The following PPP1R26 variants were observed in gnomAD, a reference collection of about 807,000 sequenced individuals.
PPP1R26 encodes protein phosphatase 1 regulatory subunit 26.
Under a neutral mutation model 67.6 loss-of-function variants are expected in PPP1R26, and 22 were observed. The observed-to-expected ratio is 0.33, with a 90% CI of 0.23 to 0.46. The LOEUF is 0.46. Ranked by LOEUF, PPP1R26 falls within the 20% of genes least tolerant of loss-of-function variation. The probability of loss-of-function intolerance (pLI) is 1.00; values close to 1 mark genes in which losing one functional copy is unlikely to be tolerated. For synonymous variants in PPP1R26, 729 were observed against 717.2 expected, an observed-to-expected ratio of 1.02 and a Z score of -0.26; for missense variants, 1,602 against 1,651.4, an observed-to-expected ratio of 0.97 and a Z score of 0.52.
At position 135,487,214 on chromosome 9, in the gene PPP1R26, G is replaced by A. The variant is rs1346077126; in HGVS notation, c.2704G>A (p.Ala902Thr). The change falls in exon 4 of 4, where the codon GCC (alanine) becomes ACC (threonine). Residue 902 changes from alanine (A) to threonine (T), a missense_variant. Transcript: ENST00000356818. Reference protein sequence around the residue: ...SQRARGVPHLAEGLRGTESAG... With the variant: ...SQRARGVPHLTEGLRGTESAG... ...GAGGGCCAGGGGGGTCCCACATCTGGCCGAAGGGCTTCGAGGCACAGAGAG... is the reference window on the plus strand; with the variant it reads ...GAGGGCCAGGGGGGTCCCACATCTGACCGAAGGGCTTCGAGGCACAGAGAG... The A allele has an allele frequency of 6.3e-7, 1 of 1,594,490 alleles. No homozygotes were observed. Among genetic ancestry groups the A allele is most frequent in the Admixed American group, 1.7e-5 (1 of 57,330 alleles).
In PPP1R26 at chr9:135,479,836, C is replaced by CGCGCGGGG. The variant is rs1003209633; in HGVS notation, c.-514_-507dup. On this transcript the variant is annotated 5_prime_UTR_variant, in exon 1 of 4. Transcript: ENST00000356818. This position sits in a 1 kb window ranked among gnomAD's most constrained non-coding sequence, Gnocchi z 5.9. ...GGGCGCGGGGCGGCGGCAGCGGCGG[C>CGCGCGGGG]GCGCGGGGAGGCGGGGAGGCGGGGG... 8 of 138,918 alleles carry CGCGCGGGG rather than the reference C, an allele frequency of 5.8e-5. No homozygotes were observed. Among genetic ancestry groups the CGCGCGGGG allele is most frequent in the Admixed American group, 2.1e-4 (3 of 14,156 alleles). The allele number at this position is 138,918 out of a possible 1,614,324, so 8.6% of individuals were successfully genotyped here. A position where few individuals can be genotyped will look rare whatever the true frequency, so the allele number is the denominator to read the frequency against.
At position 135,484,633 on chromosome 9, in the gene PPP1R26, G is replaced by A. The variant is rs368903595; in HGVS notation, c.123G>A (p.Ala41=). 117 of 1,611,676 alleles carry A rather than the reference G, an allele frequency of 7.3e-5. No homozygotes were observed. The highest frequency in any genetic ancestry group is 1.7e-4 in the Middle Eastern group (1 of 5,962). The change falls in exon 4 of 4, where the codon GCG becomes GCA. Residue 41 remains alanine, a synonymous_variant. Coordinates refer to ENST00000356818, the MANE Select transcript of PPP1R26 (RefSeq NM_014811.5). ...AGGCTGACGAGGGCGTGGAGAGCGC[G>A]TCGGTGAGCGCCCGGGTGCAGATGC... is the stretch of plus-strand genomic sequence containing the variant. ...FSEADEGVES[A]SVSARVQMLI...
intron 2 of PPP1R26, chr9:135,483,369 A>G (rs1210989014): frequency 1.3e-5 from 2 of 152,248 alleles, no homozygotes; most frequent in African/African-American, 4.8e-5. Context: ...GCGCCTGGTT[A>G]ACCGGAGAAA....
chr9:135,488,202 G>C lies in PPP1R26; in HGVS notation c.*62G>C. ...CATTCGTGGAAAGCGGCGTAGCCGT[G>C]CGTGTGTGTGATGGTTCCGTGGCTG... On this transcript the variant is annotated 3_prime_UTR_variant, in exon 4 of 4. Coordinates refer to ENST00000356818, the MANE Select transcript of PPP1R26 (RefSeq NM_014811.5). The C allele has an allele frequency of 6.8e-7, 1 of 1,471,930 alleles. No individual in the cohort carries two copies. Among genetic ancestry groups the C allele is most frequent in the Non-Finnish European group, 9.0e-7 (1 of 1,113,560 alleles). The allele number at this position is 1,471,930 out of a possible 1,614,324, so 91.2% of individuals were successfully genotyped here.
intron 2 of PPP1R26, 78 bp downstream of exon 2, chr9:135,482,893 T>G (rs144870199): frequency 2.5e-6 from 1 of 395,040 alleles, no homozygotes; most frequent in East Asian, 3.6e-5. Context: ...TACTTCTGAA[T>G]CTGTCTCACC....
chr9:135,488,399 G>T lies in PPP1R26; in HGVS notation c.*259G>T, dbSNP rs1220157295. ...ATACTGTTGTTCAATTTTGTAGGGT[G>T]TTCCTAACTGCAGTTTTCTGTGTTC... On this transcript the variant is annotated 3_prime_UTR_variant, in exon 4 of 4. Coordinates refer to ENST00000356818, the MANE Select transcript of PPP1R26 (RefSeq NM_014811.5). 1.5e-5 allele frequency: 7 copies of T among 469,844 alleles called. No individual in the cohort carries two copies. Among genetic ancestry groups the T allele is most frequent in the Non-Finnish European group, 2.3e-5 (7 of 305,326 alleles). 29.1% of individuals were successfully genotyped at this position (469,844 alleles called of 1,614,324 possible).
chr9:135,487,713 G>C lies in PPP1R26; in HGVS notation c.3203G>C (p.Arg1068Pro), dbSNP rs570749929. 5 of 1,451,232 alleles carry C rather than the reference G, an allele frequency of 3.4e-6. No individual in the cohort carries two copies. The Admixed American group carries it at 8.7e-5, about 25-fold the overall frequency. The allele number at this position is 1,451,232 out of a possible 1,614,324, so 89.9% of individuals were successfully genotyped here. Reference sequence around the variant, plus strand: ...GACAAGGGGTCCGAGGGCCCCGCCCGGGGCCTGCCCAGCCTGCCCCTTGCG... The same window carrying C: ...GACAAGGGGTCCGAGGGCCCCGCCCCGGGCCTGCCCAGCCTGCCCCTTGCG... ...ERDKGSEGPA[R>P]GLPSLPLAGF... Residue 1068 changes from arginine to proline, a missense_variant, in exon 4 of 4, where the codon CGG becomes CCG. Arg to Pro is a moderately radical substitution (Grantham distance 103). This residue lies in a region of PPP1R26 where 740 missense variants were observed against 696.3 expected (regional missense o/e 1.06). Coordinates refer to ENST00000356818, the MANE Select transcript of PPP1R26 (RefSeq NM_014811.5).
rs1172643668 is a variant in PPP1R26 at position 135,488,439 on chromosome 9, A to T, written c.*299A>T. The T allele has an allele frequency of 3.8e-6, 1 of 265,756 alleles. No individual in the cohort carries two copies. Among genetic ancestry groups the T allele is most frequent in the East Asian group, 9.4e-5 (1 of 10,590 alleles). The allele number at this position is 265,756 out of a possible 1,614,324, so 16.5% of individuals were successfully genotyped here. On this transcript the variant is annotated 3_prime_UTR_variant, in exon 4 of 4. Transcript: ENST00000356818. ...TTTCTGTGTTCTGCATACAAGTCTTAGCTTAGGAAACATTTGGTTCTTACC... is the reference window on the plus strand; with the variant it reads ...TTTCTGTGTTCTGCATACAAGTCTTTGCTTAGGAAACATTTGGTTCTTACC...
At position 135,487,225 on chromosome 9, in the gene PPP1R26, T is replaced by C. The variant is rs1830775927; in HGVS notation, c.2715T>C (p.Leu905=). 6.3e-7 allele frequency: 1 copy of C among 1,588,424 alleles called. No homozygotes were observed. The highest frequency in any genetic ancestry group is 8.6e-7 in the Non-Finnish European group (1 of 1,169,210). The change falls in exon 4 of 4, where the codon CTT becomes CTC. Residue 905 remains leucine, a synonymous_variant. Transcript: ENST00000356818. ...GGGTCCCACATCTGGCCGAAGGGCT[T>C]CGAGGCACAGAGAGCGCAGGAGCAC... ...ARGVPHLAEG[L]RGTESAGAQG...
Position 135,486,786 on chromosome 9 carries a change from G to C in PPP1R26, c.2276G>C (p.Arg759Thr). The C allele has an allele frequency of 1.9e-6, 3 of 1,593,498 alleles. No individual in the cohort carries two copies. The highest frequency in any genetic ancestry group is 2.6e-6 in the Non-Finnish European group (3 of 1,170,640). ...VLKSCLSKSK[R>T]DSGEGPGKKP... ...AAGAGCTGCCTCTCCAAGTCCAAGA[G>C]AGACAGTGGCGAGGGTCCTGGGAAG... Residue 759 changes from arginine to threonine, a missense_variant, in exon 4 of 4, where the codon AGA becomes ACA. By Grantham distance (71) the Arg-to-Thr change is moderately conservative. Around this residue, in one of 5 missense-constraint regions of PPP1R26, gnomAD observed 740 missense variants for 696.3 expected, o/e 1.06. Coordinates refer to ENST00000356818, the MANE Select transcript of PPP1R26 (RefSeq NM_014811.5). This position sits in a 1 kb window ranked among gnomAD's most constrained non-coding sequence, Gnocchi z 6.2.
At chr9:135,481,077 C>T (rs1358187396) in intron 1 of PPP1R26, among the ~76,000 whole-genome samples, 2 of 152,142 alleles carry the variant, frequency 1.3e-5, no homozygotes, top group Non-Finnish European at 1.5e-5. Context: ...TGTTCTCCAC[C>T]GCTTCCTAAA....
chr9:135,482,202 T>C (rs1488109550), intron 1 of PPP1R26, among the ~76,000 whole-genome samples: 2 of 152,268 alleles, frequency 1.3e-5, no homozygotes, highest in Non-Finnish European at 2.9e-5. Context: ...CCAAGGCTAA[T>C]GCAAATGTTT....
chr9:135,480,361 A>G (rs62580732), intron 1 of PPP1R26: 22,718 of 151,638 alleles, frequency 0.15, 2,049 homozygotes, highest in South Asian at 0.3. Context: ...CGGCCTGGAG[A>G]CTGCGGTTCA....
chr9:135,487,239 G>A lies in PPP1R26; in HGVS notation c.2729G>A (p.Ser910Asn), dbSNP rs1252032630. 7 of 1,580,526 alleles carry A rather than the reference G, an allele frequency of 4.4e-6. 1 individual carries two copies. The South Asian group carries it at 7.0e-5, about 16-fold the overall frequency. The change falls in exon 4 of 4, where the codon AGC becomes AAC. Residue 910 changes from serine (S) to asparagine (N), a missense_variant. Ser to Asn is a conservative substitution (Grantham distance 46). Around this residue, in one of 5 missense-constraint regions of PPP1R26, gnomAD observed 740 missense variants for 696.3 expected, o/e 1.06. Transcript: ENST00000356818. ...GCCGAAGGGCTTCGAGGCACAGAGA[G>A]CGCAGGAGCACAGGGCACAGCTGGT... is the stretch of plus-strand genomic sequence containing the variant. Reference protein sequence around the residue: ...HLAEGLRGTESAGAQGTAGLF... With the variant: ...HLAEGLRGTENAGAQGTAGLF...
At chr9:135,482,987 CT>C (rs57608324) in intron 2 of PPP1R26, among the ~76,000 whole-genome samples, 172 bp downstream of exon 2, 1,292 of 112,040 alleles carry the variant, frequency 0.012, 5 homozygotes, top group African/African-American at 0.032. Context: ...TTCTTTCTTT[CT>C]TTTTTTTTTT....
At position 135,485,249 on chromosome 9, in the gene PPP1R26, G is replaced by C; in HGVS notation, c.739G>C (p.Gly247Arg). 1 of 1,612,818 alleles carries C rather than the reference G, an allele frequency of 6.2e-7. No individual in the cohort carries two copies. Among genetic ancestry groups the C allele is most frequent in the Non-Finnish European group, 8.5e-7 (1 of 1,179,914 alleles). ...ACAGCATGAGACCCAAAAATGTGAT[G>C]GGTCAGTGGAGAAGAAACCAGACAC... ...KRQHETQKCD[G>R]SVEKKPDTNE... is the part of the protein sequence containing the mutation. The change falls in exon 4 of 4, where the codon GGG becomes CGG. Residue 247 changes from glycine (G) to arginine (R), a missense_variant. By Grantham distance (125) the Gly-to-Arg change is moderately radical (BLOSUM62 -2). Transcript: ENST00000356818. The surrounding 1 kb of genome is among the most constrained non-coding windows in gnomAD (Gnocchi z 7.2).
At position 135,485,719 on chromosome 9, in the gene PPP1R26, C is replaced by T. The variant is rs758251505; in HGVS notation, c.1209C>T (p.Pro403=). Residue 403 remains proline, a synonymous_variant, in exon 4 of 4, where the codon CCC becomes CCT. Coordinates refer to ENST00000356818, the MANE Select transcript of PPP1R26 (RefSeq NM_014811.5). The surrounding 1 kb of genome is among the most constrained non-coding windows in gnomAD (Gnocchi z 7.2). ...GAGAGGAGAGAGCGCCTGACCCTCC[C>T]GCACACAGCACAAGCAGTGCCACAA... The part of the protein sequence containing the change: ...QLREERAPDP[P]AHSTSSATKS... 11 of 1,610,118 alleles carry T rather than the reference C, an allele frequency of 6.8e-6. No homozygotes were observed. The highest frequency in any genetic ancestry group is 1.7e-5 in the Admixed American group (1 of 59,988).
At chr9:135,481,089 T>C (rs994494385) in intron 1 of PPP1R26, among the ~76,000 whole-genome samples, 5 of 152,144 alleles carry the variant, frequency 3.3e-5, no homozygotes, top group Non-Finnish European at 5.9e-5. Context: ...CTTCCTAAAA[T>C]CTGACACCGT....
At chr9:135,481,792 T>A (rs994843817) in intron 1 of PPP1R26, among the ~76,000 whole-genome samples, 3 of 151,682 alleles carry the variant, frequency 2.0e-5, no homozygotes, top group African/African-American at 7.3e-5. Context: ...CTAATTTTTG[T>A]ATTTTTAGCA....
Sources: allele counts gnomAD v4.1 joint callset (sites outside exome capture counted in the v4.1 genomes callset), GRCh38; gene constraint gnomAD v4.1.1; regional missense constraint gnomAD v4.1.1; non-coding constraint Gnocchi (gnomAD v3.1); transcripts MANE v1.5; gene names NCBI Gene and HGNC (gene_info 2026-07-23, HGNC 2026-07-21).